The following CSF2RB variants were observed in gnomAD, a reference collection of about 807,000 sequenced individuals.
CSF2RB encodes cytokine receptor common subunit beta.
CSF2RB carries 22 observed loss-of-function variants against 67.2 expected under a neutral mutation model. The observed-to-expected ratio is 0.33, with a 90% confidence interval of 0.23 to 0.47. The LOEUF (loss-of-function observed/expected upper bound fraction) is 0.47. CSF2RB is among the 20% of genes least tolerant of loss of function. The pLI is 1.00. For missense variants in CSF2RB, 1,113 were observed against 1,174.5 expected (o/e 0.95, Z 0.76); for synonymous variants, 507 against 482.9 (o/e 1.05, Z -0.65).
Position 36,936,618 on chromosome 22 carries a change from G to T in CSF2RB, c.1534G>T (p.Gly512Trp). The change falls in exon 13 of 14, where the codon GGG (glycine) becomes TGG (tryptophan). Residue 512 changes from glycine to tryptophan, a missense_variant. Transcript: ENST00000403662. ...AFTSGSPPHQ[G>W]PWGSRFPELE... is the part of the protein sequence containing the mutation. ...CACTAGCGGGAGTCCCCCACACCAG[G>T]GGCCGTGGGGCAGCCGCTTCCCTGA... The T allele has an allele frequency of 6.2e-7, 1 of 1,613,656 alleles. No individual in the cohort carries two copies. The highest frequency in any genetic ancestry group is 1.1e-5 in the South Asian group (1 of 91,072).
At chr22:36,919,372 C>G (rs1348512161) in intron 1 of CSF2RB, among the ~76,000 whole-genome samples, 1 of 152,068 alleles carries the variant, frequency 6.6e-6, no homozygotes, top group East Asian at 1.9e-4. Flanking sequence ...TTTGTGGTAT[C>G]CATTCTGTGG....
chr22:36,917,311 G>C lies in CSF2RB; in HGVS notation c.-173+3634G>C, dbSNP rs1256226387. 2.0e-5 allele frequency among the ~76,000 whole-genome samples: 3 copies of C among 152,102 alleles called. No homozygotes were observed. The East Asian group carries it at 5.8e-4, about 29-fold the overall frequency. The stretch of plus-strand genomic sequence containing the variant: ...CTTCTTCTTTTAAAAGTCTTTGTCA[G>C]GTTGACCTATGAAATTGTTTTTGTC... On this transcript the variant is annotated intron_variant, in intron 1 of 13. Transcript: ENST00000403662.
chr22:36,925,809 G>T (rs1214387291), intron 3 of CSF2RB, among the ~76,000 whole-genome samples, 178 bp from the exon 4 acceptor site: 1 of 152,142 alleles, frequency 6.6e-6, no homozygotes, highest in Non-Finnish European at 1.5e-5. Context: ...TACACACTTT[G>T]TTCCATGCGG....
At position 36,929,668 on chromosome 22, in the gene CSF2RB, C is replaced by G; in HGVS notation, c.579C>G (p.Ser193=). Residue 193 remains serine (S), a synonymous_variant, in exon 6 of 14, where the codon TCC becomes TCG. Transcript: ENST00000403662. ...EDAAILLSNT[S]QATLGPEHLM... ...CAGCCATCCTCCTCTCCAACACCTCCCAGGCCACCCTGGGGCCAGAGCACC... is the reference window on the plus strand; with the variant it reads ...CAGCCATCCTCCTCTCCAACACCTCGCAGGCCACCCTGGGGCCAGAGCACC... 1 of 1,614,234 alleles carries G rather than the reference C, an allele frequency of 6.2e-7. No homozygotes were observed. The highest frequency in any genetic ancestry group is 2.2e-5 in the East Asian group (1 of 44,886).
In CSF2RB at chr22:36,926,084, T is replaced by C. The variant is rs1941009755; in HGVS notation, c.298T>C (p.Cys100Arg). The C allele has an allele frequency of 7.4e-6, 12 of 1,614,118 alleles. No homozygotes were observed. The highest frequency in any genetic ancestry group is 1.3e-5 in the African/African-American group (1 of 74,936). The change falls in exon 4 of 14, where the codon TGC (cysteine) becomes CGC (arginine). Residue 100 changes from cysteine to arginine, a missense_variant. Cys to Arg is a radical substitution (Grantham distance 180, BLOSUM62 -3). Coordinates refer to ENST00000403662, the MANE Select transcript of CSF2RB (RefSeq NM_000395.3). ...CGTGCCCAGGAGATGTGTCATTCCC[T>C]GCCAGAGTTTTGTCGTCACTGACGT... ...RCVPRRCVIP[C>R]QSFVVTDVDY...
At position 36,929,527 on chromosome 22, in the gene CSF2RB, G is replaced by T; in HGVS notation, c.517G>T (p.Val173Leu). ...GTCCCCAGGGGATCTGGAGTTTGAG[G>T]TGGTCTACAAGCGGCTTCAGGACTC... is the stretch of plus-strand genomic sequence containing the variant. ...WLSPGDLEFE[V>L]VYKRLQDSWE... The change falls in exon 5 of 14, where the codon GTG becomes TTG. Residue 173 changes from valine (V) to leucine (L), a missense_variant. Around this residue, in one of 2 missense-constraint regions of CSF2RB, gnomAD observed 559 missense variants for 656.5 expected, o/e 0.85. Transcript: ENST00000403662. 2 of 1,614,190 alleles carry T rather than the reference G, an allele frequency of 1.2e-6. No homozygotes were observed. The highest frequency in any genetic ancestry group is 1.7e-6 in the Non-Finnish European group (2 of 1,180,032).
chr22:36,924,446 A>G (rs1940961869), intron 3 of CSF2RB, among the ~76,000 whole-genome samples: 2 of 151,978 alleles, frequency 1.3e-5, no homozygotes, highest in African/African-American at 4.8e-5. Flanking sequence ...TGCCTTGCAA[A>G]CCTGCCCCAA....
intron 12 of CSF2RB, 79 bp downstream of exon 12, chr22:36,935,766 C>T: frequency 6.7e-7 from 1 of 1,481,504 alleles, no homozygotes. Context: ...CTCCTCCTTC[C>T]CTTCCTGTGG....
At position 36,922,134 on chromosome 22, in the gene CSF2RB, A is replaced by T; in HGVS notation, c.-74A>T. On this transcript the variant is annotated 5_prime_UTR_variant, in exon 2 of 14. Transcript: ENST00000403662. ...GGGCAGGAACACAGGACTTCAGGACACTAAGGACCCTGTCATGCCCATGGC... is the reference window on the plus strand; with the variant it reads ...GGGCAGGAACACAGGACTTCAGGACTCTAAGGACCCTGTCATGCCCATGGC... The T allele has an allele frequency of 7.2e-7, 1 of 1,390,612 alleles. No homozygotes were observed. Among genetic ancestry groups the T allele is most frequent in the Non-Finnish European group, 9.9e-7 (1 of 1,008,780 alleles). 86.1% of individuals were successfully genotyped at this position (1,390,612 alleles called of 1,614,324 possible).
chr22:36,928,314 G>A (rs1010286909), intron 4 of CSF2RB, among the ~76,000 whole-genome samples: 1 of 152,162 alleles, frequency 6.6e-6, no homozygotes, highest in Non-Finnish European at 1.5e-5. Context: ...AGTCTGCGCA[G>A]TTTGTGGCAG....
At chr22:36,914,151 A>G (rs1940658651) in intron 1 of CSF2RB, among the ~76,000 whole-genome samples, 2 of 152,038 alleles carry the variant, frequency 1.3e-5, no homozygotes. Flanking sequence ...AGAAAGAGAG[A>G]GAACGCATGC....
chr22:36,926,682 G>A (rs1941024968), intron 4 of CSF2RB, among the ~76,000 whole-genome samples: 3 of 152,222 alleles, frequency 2.0e-5, no homozygotes, highest in Non-Finnish European at 4.4e-5. Context: ...GGGCCCCGGT[G>A]TGGGCCGAAA....
intron 4 of CSF2RB, 61 bp from the exon 5 acceptor site, chr22:36,929,341 C>T (rs1301181858): frequency 6.2e-7 from 1 of 1,611,266 alleles, no homozygotes; most frequent in South Asian, 1.1e-5. Flanking sequence ...AAAGGCCATG[C>T]AGGCCCTGAC....
At chr22:36,914,115 A>G (rs1940657896) in intron 1 of CSF2RB, among the ~76,000 whole-genome samples, 1 of 152,142 alleles carries the variant, frequency 6.6e-6, no homozygotes, top group African/African-American at 2.4e-5. Flanking sequence ...AATGGGGAGC[A>G]TGGATAGTCC....
Position 36,939,295 on chromosome 22 carries a change from G to T in CSF2RB, c.*793G>T. ...GGTGGGCAGGCTGGCGGGACCTGGG[G>T]AACATCAGGAGAGGAGTCCAGAGCC... On this transcript the variant is annotated 3_prime_UTR_variant, in exon 14 of 14. Transcript: ENST00000403662. 1.4e-6 allele frequency: 1 copy of T among 701,740 alleles called. No homozygotes were observed. Among genetic ancestry groups the T allele is most frequent in the Non-Finnish European group, 2.6e-6 (1 of 384,800 alleles). 43.5% of individuals were successfully genotyped at this position (701,740 alleles called of 1,614,324 possible).
intron 2 of CSF2RB, among the ~76,000 whole-genome samples, chr22:36,922,900 C>G (rs932814012): frequency 3.3e-5 from 5 of 152,056 alleles, no homozygotes; most frequent in Non-Finnish European, 7.4e-5. Context: ...TGTGTGCCCC[C>G]TCCCAGGCTG....
intron 6 of CSF2RB, 41 bp from the exon 7 acceptor site, chr22:36,930,334 G>A: frequency 6.2e-6 from 10 of 1,612,802 alleles, no homozygotes; most frequent in Non-Finnish European, 8.5e-6. Flanking sequence ...GCTATGGGAG[G>A]GATGAATGAC....
intron 1 of CSF2RB, among the ~76,000 whole-genome samples, chr22:36,919,828 C>T (rs1940811456): frequency 6.6e-6 from 1 of 152,172 alleles, no homozygotes; most frequent in Non-Finnish European, 1.5e-5. Flanking sequence ...CCTGAGGATG[C>T]TGATTTAGAT....
chr22:36,923,198 G>T (rs1392510056), intron 2 of CSF2RB, 46 bp from the exon 3 acceptor site: 8 of 1,613,906 alleles, frequency 5.0e-6, no homozygotes, highest in Non-Finnish European at 6.8e-6. Context: ...GGTGACAAGG[G>T]TCCCTGCAGG....
Sources: allele counts gnomAD v4.1 joint callset (sites outside exome capture counted in the v4.1 genomes callset), GRCh38; gene constraint gnomAD v4.1.1; regional missense constraint gnomAD v4.1.1; transcripts MANE v1.5; gene names NCBI Gene and HGNC (gene_info 2026-07-23, HGNC 2026-07-21).